BLTP3B: variants seen among roughly 807,000 people sequenced by gnomAD.
The protein encoded by BLTP3B is bridge-like lipid transfer protein family member 3B, also known as UHRF1 (ICBP90) binding protein 1-like.
At chr12:100,130,206 C>T in the BLTP3B span, among the ~76,000 whole-genome samples, 2 of 152,140 alleles carry the variant, frequency 1.3e-5, no homozygotes, top group Non-Finnish European at 1.5e-5. Flanking sequence ...GTGATGCGCC[C>T]GCCTTGGCCT....
At chr12:100,060,037 G>A in the BLTP3B span, 1 of 1,589,254 alleles carries the variant, frequency 6.3e-7, no homozygotes. Context: ...GAGGTTGGGA[G>A]ATGGAACTGT....
the BLTP3B span, among the ~76,000 whole-genome samples, chr12:100,105,371 C>T: frequency 1.3e-5 from 2 of 151,378 alleles, no homozygotes; most frequent in Non-Finnish European, 2.9e-5. Flanking sequence ...GAATAGAGAA[C>T]CAAGAAATAA....
At chr12:100,076,117 TAAAAA>T in the BLTP3B span, among the ~76,000 whole-genome samples, 1 of 143,156 alleles carries the variant, frequency 7.0e-6, no homozygotes, top group African/African-American at 2.5e-5. Context: ...AAGTTGAAAT[TAAAAA>T]AAAAAAAACT....
the BLTP3B span, among the ~76,000 whole-genome samples, chr12:100,139,892 G>A: frequency 6.6e-6 from 1 of 152,240 alleles, no homozygotes; most frequent in East Asian, 1.9e-4. Flanking sequence ...GCAATATGGG[G>A]GCTCACAATT....
the BLTP3B span, among the ~76,000 whole-genome samples, chr12:100,109,163 TC>T: frequency 6.6e-5 from 1 of 15,126 alleles, no homozygotes; most frequent in Non-Finnish European, 1.3e-4. Flanking sequence ...AGTTTTCCTC[TC>T]TCTCTCTCTC....
chr12:100,084,338 A>C, the BLTP3B span: 1 of 966,146 alleles, frequency 1.0e-6, no homozygotes, highest in South Asian at 2.2e-5. Flanking sequence ...CTACATTAAA[A>C]AGAAGAAAAA....
chr12:100,060,905 G>A, the BLTP3B span, among the ~76,000 whole-genome samples: 1 of 152,112 alleles, frequency 6.6e-6, no homozygotes. Flanking sequence ...AGTGGAGAGG[G>A]AACACTGTAA....
chr12:100,127,407 A>G, the BLTP3B span, among the ~76,000 whole-genome samples: 2 of 152,244 alleles, frequency 1.3e-5, no homozygotes, highest in East Asian at 3.9e-4. Context: ...CATATAGCCA[A>G]TAAGTTTCTC....
the BLTP3B span, chr12:100,059,934 A>G: frequency 6.2e-7 from 1 of 1,612,814 alleles, no homozygotes; most frequent in Non-Finnish European, 8.5e-7. Context: ...CCATGAACTG[A>G]TTAAGACTCT....
At chr12:100,109,680 C>A in the BLTP3B span, among the ~76,000 whole-genome samples, 7 of 151,004 alleles carry the variant, frequency 4.6e-5, no homozygotes, top group African/African-American at 7.3e-5. Flanking sequence ...GTGGGAGTTT[C>A]GCTTCAGTCC....
chr12:100,059,275 T>A, the BLTP3B span: 1 of 1,614,000 alleles, frequency 6.2e-7, no homozygotes, highest in East Asian at 2.2e-5. Context: ...ATTTCATGCA[T>A]TTTGGTATCT....
the BLTP3B span, among the ~76,000 whole-genome samples, chr12:100,072,466 G>T: frequency 6.6e-6 from 1 of 152,182 alleles, no homozygotes; most frequent in Non-Finnish European, 1.5e-5. Flanking sequence ...CAACACTTTG[G>T]GAGGCCAAGG....
chr12:100,047,480 C>T, the BLTP3B span: 12 of 1,421,096 alleles, frequency 8.4e-6, no homozygotes, highest in Non-Finnish European at 1.2e-5. Flanking sequence ...GCCTGGGCAA[C>T]AAGAGCAAAA....
the BLTP3B span, among the ~76,000 whole-genome samples, chr12:100,112,964 A>T: frequency 6.6e-6 from 1 of 151,958 alleles, no homozygotes; most frequent in Non-Finnish European, 1.5e-5. Context: ...TGAGCCCAGG[A>T]GTTCAAGACT....
the BLTP3B span, among the ~76,000 whole-genome samples, chr12:100,100,078 G>A: frequency 6.6e-6 from 1 of 151,888 alleles, no homozygotes; most frequent in Admixed American, 6.6e-5. Context: ...CAAGGCAGGT[G>A]GATCACTTTA....
At chr12:100,085,420 A>G in the BLTP3B span, among the ~76,000 whole-genome samples, 2 of 152,172 alleles carry the variant, frequency 1.3e-5, no homozygotes, top group South Asian at 4.1e-4. Context: ...TAAAAATTTT[A>G]TGCATTTGTA....
the BLTP3B span, among the ~76,000 whole-genome samples, chr12:100,139,197 A>C: frequency 3.9e-5 from 6 of 152,232 alleles, no homozygotes; most frequent in Non-Finnish European, 7.3e-5. Context: ...TGGAATACAA[A>C]CTAACAATTA....
chr12:100,120,615 G>A, the BLTP3B span, among the ~76,000 whole-genome samples: 10 of 152,268 alleles, frequency 6.6e-5, no homozygotes, highest in African/African-American at 1.9e-4. Context: ...TCTCATATAC[G>A]TATTTGTGAG....
At chr12:100,060,144 G>A in the BLTP3B span, 4 of 934,646 alleles carry the variant, frequency 4.3e-6, no homozygotes, top group East Asian at 3.1e-5. Context: ...TCTTTCTTAA[G>A]ATAAAACAAA....
Sources: allele counts gnomAD v4.1 joint callset (sites outside exome capture counted in the v4.1 genomes callset), GRCh38; gene constraint gnomAD v4.1.1; transcripts MANE v1.5; gene names NCBI Gene and HGNC (gene_info 2026-07-23, HGNC 2026-07-21).